The following CD58 variants were observed in gnomAD, a reference collection of about 807,000 sequenced individuals.
CD58 encodes CD58 molecule, also known as lymphocyte function-associated antigen 3.
CD58 carries 14 observed loss-of-function variants against 27.6 expected under a neutral mutation model. That is an observed-to-expected ratio of 0.51 (90% CI 0.34 to 0.79). The LOEUF (loss-of-function observed/expected upper bound fraction) is 0.79, where lower values mean the gene tolerates loss of function less well. CD58 is among the 30% of genes least tolerant of loss of function. The pLI is 0.02. For synonymous variants in CD58, 117 were observed against 103.8 expected (o/e 1.13, Z -0.77); for missense variants, 268 against 301.7 (o/e 0.89, Z 0.83).
At chr1:116,556,709 G>A (rs1003615309) in intron 1 of CD58, among the ~76,000 whole-genome samples, 4 of 152,172 alleles carry the variant, frequency 2.6e-5, no homozygotes, top group Admixed American at 6.5e-5. Context: ...GCAAACAAAG[G>A]AGTCACAAAG....
Position 116,544,457 on chromosome 1 carries a change from G to A in CD58, c.218C>T (p.Ala73Val), listed in dbSNP as rs749684875. The part of the protein sequence containing the change: ...VAELENSEFR[A>V]FSSFKNRVYL... ...AACCCTATTTTTAAAAGATGAGAAA[G>A]CTCTGAATTCAGAATTTTCCAGTTC... is the stretch of plus-strand genomic sequence containing the variant. Residue 73 changes from alanine (A) to valine (V), a missense_variant, in exon 2 of 6, where the codon GCT becomes GTT. Ala to Val is a moderately conservative substitution (Grantham distance 64, BLOSUM62 0). Transcript: ENST00000369489. 6.2e-7 allele frequency: 1 copy of A among 1,614,074 alleles called. No individual in the cohort carries two copies. The highest frequency in any genetic ancestry group is 1.7e-5 in the Admixed American group (1 of 60,022).
chr1:116,547,002 A>AT (rs531354439), intron 1 of CD58, among the ~76,000 whole-genome samples: 19 of 149,860 alleles, frequency 1.3e-4, no homozygotes, highest in Admixed American at 8.0e-4. Context: ...TCTTTTTTAA[A>AT]TTTTTTTATT....
chr1:116,533,993 T>C, intron 3 of CD58: 1 of 1,387,156 alleles, frequency 7.2e-7, no homozygotes, highest in South Asian at 1.2e-5. Flanking sequence ...ACTCCAGGAT[T>C]CTGCATCACC....
rs1658098819 is a variant in CD58 at position 116,544,552 on chromosome 1, T to C, written c.123A>G (p.Val41=). Residue 41 remains valine (V), a synonymous_variant, in exon 2 of 6, where the codon GTA becomes GTG. Coordinates refer to ENST00000369489, the MANE Select transcript of CD58 (RefSeq NM_001779.3). The part of the protein sequence containing the change: ...QQIYGVVYGN[V]TFHVPSNVPL... ...GCACATTGCTTGGTACATGGAAAGTTACATTCCCATACACAACACCATATA... is the reference window on the plus strand; with the variant it reads ...GCACATTGCTTGGTACATGGAAAGTCACATTCCCATACACAACACCATATA... 1.2e-6 allele frequency: 2 copies of C among 1,613,226 alleles called. No individual in the cohort carries two copies. The highest frequency in any genetic ancestry group is 2.7e-5 in the African/African-American group (2 of 74,832).
intron 2 of CD58, among the ~76,000 whole-genome samples, chr1:116,543,475 T>G (rs1414921314): frequency 6.7e-6 from 1 of 148,982 alleles, no homozygotes; most frequent in Non-Finnish European, 1.5e-5. Flanking sequence ...TCAGAAACAA[T>G]GAAAATGAGG....
At position 116,527,800 on chromosome 1, in the gene CD58, T is replaced by C. The variant is rs571187299; in HGVS notation, c.629-5817A>G. 6.6e-6 allele frequency among the ~76,000 whole-genome samples: 1 copy of C among 152,352 alleles called. No homozygotes were observed. The highest frequency in any genetic ancestry group is 2.4e-5 in the African/African-American group (1 of 41,574). ...ATTCACCAATGAACCCATCTGAACC[T>C]GGTGCTTTCTGTTTTGGAAGATTAT... On this transcript the variant is annotated intron_variant, in intron 3 of 5. Coordinates refer to ENST00000369489, the MANE Select transcript of CD58 (RefSeq NM_001779.3). This position sits in a 1 kb window ranked among gnomAD's most constrained non-coding sequence, Gnocchi z 4.4.
rs1227001009 is a variant in CD58 at position 116,532,050 on chromosome 1, G to T, written c.628+3915C>A. On this transcript the variant is annotated intron_variant, in intron 3 of 5. Coordinates refer to ENST00000369489, the MANE Select transcript of CD58 (RefSeq NM_001779.3). The surrounding 1 kb of genome is among the most constrained non-coding windows in gnomAD (Gnocchi z 5.1). ...CGCTCATATGCTCAAATGAAACGCA[G>T]GACTTCCCAGCCCAGCCCCTCACTG... Among the ~76,000 whole-genome samples, 2 of 152,244 alleles carry T rather than the reference G, an allele frequency of 1.3e-5. No individual in the cohort carries two copies. The highest frequency in any genetic ancestry group is 2.4e-5 in the African/African-American group (1 of 41,468).
intron 1 of CD58, among the ~76,000 whole-genome samples, chr1:116,560,889 T>C (rs1658729392): frequency 6.6e-6 from 1 of 152,210 alleles, no homozygotes; most frequent in Non-Finnish European, 1.5e-5. Flanking sequence ...GGCTGCATCC[T>C]GGTTTCACTT....
intron 3 of CD58, among the ~76,000 whole-genome samples, chr1:116,529,155 A>G (rs1272337131): frequency 6.6e-6 from 1 of 152,140 alleles, no homozygotes; most frequent in African/African-American, 2.4e-5. Flanking sequence ...TCCCAATCCC[A>G]TGTTCTCTTC....
rs914802440 is a variant in CD58, at chr1:116,517,469, C to T, written c.743+1762G>A. Among the ~76,000 whole-genome samples the T allele has an allele frequency of 4.6e-5, 7 of 152,154 alleles. No individual in the cohort carries two copies. The highest frequency in any genetic ancestry group is 3.9e-4 in the Admixed American group (6 of 15,272). The stretch of plus-strand genomic sequence containing the variant: ...GAAAGGACACCTGTGGCCCATCCAT[C>T]GATCCCACCTCACCTAGGCCCTTGC... On this transcript the variant is annotated intron_variant, in intron 5 of 5. Transcript: ENST00000369489. This position sits in a 1 kb window ranked among gnomAD's most constrained non-coding sequence, Gnocchi z 6.5.
Position 116,517,430 on chromosome 1 carries a change from C to T in CD58, c.743+1801G>A, listed in dbSNP as rs1657115129. 6.6e-6 allele frequency among the ~76,000 whole-genome samples: 1 copy of T among 152,150 alleles called. No homozygotes were observed. Among genetic ancestry groups the T allele is most frequent in the South Asian group, 2.1e-4 (1 of 4,830 alleles). On this transcript the variant is annotated intron_variant, in intron 5 of 5. Transcript: ENST00000369489. This position sits in a 1 kb window ranked among gnomAD's most constrained non-coding sequence, Gnocchi z 6.5. ...GCTTGTTTCTCCTGCACTGTTCCAC[C>T]TGGCAGCTGAGGAGAAAGGACACCT...
rs750318125 is a variant in CD58 at position 116,519,024 on chromosome 1, G to A, written c.743+207C>T. On this transcript the variant is annotated intron_variant, in intron 5 of 5. Coordinates refer to ENST00000369489, the MANE Select transcript of CD58 (RefSeq NM_001779.3). The surrounding 1 kb of genome is among the most constrained non-coding windows in gnomAD (Gnocchi z 4.7). The stretch of plus-strand genomic sequence containing the variant: ...TGCAAGGCTCATTGAGAGGGTTCCA[G>A]GAAACGATATGCAGAGAGTGGCTAG... The A allele has an allele frequency of 2.5e-4, 305 of 1,210,502 alleles. No individual in the cohort carries two copies. The highest frequency in any genetic ancestry group is 3.2e-4 in the Admixed American group (11 of 34,018). 75.0% of individuals were successfully genotyped at this position (1,210,502 alleles called of 1,614,324 possible).
chr1:116,519,526 A>G lies in CD58; in HGVS notation c.707-259T>C, dbSNP rs529692391. Among the ~76,000 whole-genome samples, 1 of 152,362 alleles carries G rather than the reference A, an allele frequency of 6.6e-6. No homozygotes were observed. Among genetic ancestry groups the G allele is most frequent in the East Asian group, 1.9e-4 (1 of 5,190 alleles). On this transcript the variant is annotated intron_variant, in intron 4 of 5. Transcript: ENST00000369489. This position sits in a 1 kb window ranked among gnomAD's most constrained non-coding sequence, Gnocchi z 4.7. ...CAAAATGGCTAATTTTACCTCGTGCATAAGGCTGAAGATGCAGGGAAGGCT... is the reference window on the plus strand; with the variant it reads ...CAAAATGGCTAATTTTACCTCGTGCGTAAGGCTGAAGATGCAGGGAAGGCT...
Position 116,523,004 on chromosome 1 carries a change from T to G in CD58, c.629-1021A>C, listed in dbSNP as rs1657317262. On this transcript the variant is annotated intron_variant, in intron 3 of 5. Coordinates refer to ENST00000369489, the MANE Select transcript of CD58 (RefSeq NM_001779.3). This position sits in a 1 kb window ranked among gnomAD's most constrained non-coding sequence, Gnocchi z 4.4. Reference sequence around the variant, plus strand: ...AAATATACTTATCTCATAGGGTAGTTGCATTTAAGAACAGCTGTTATATAC... The same window carrying G: ...AAATATACTTATCTCATAGGGTAGTGGCATTTAAGAACAGCTGTTATATAC... 6.6e-6 allele frequency among the ~76,000 whole-genome samples: 1 copy of G among 152,196 alleles called. No homozygotes were observed. Among genetic ancestry groups the G allele is most frequent in the Non-Finnish European group, 1.5e-5 (1 of 68,042 alleles).
rs909635092 is a variant in CD58, at chr1:116,516,571, A to G, written c.744-1749T>C. On this transcript the variant is annotated intron_variant, in intron 5 of 5. Coordinates refer to ENST00000369489, the MANE Select transcript of CD58 (RefSeq NM_001779.3). This position sits in a 1 kb window ranked among gnomAD's most constrained non-coding sequence, Gnocchi z 6.1. ...CTTCAACTCGATGCCAGGCAGGTCAATCTTACTATCAAATAAATCACAACA... is the reference window on the plus strand; with the variant it reads ...CTTCAACTCGATGCCAGGCAGGTCAGTCTTACTATCAAATAAATCACAACA... 6.6e-6 allele frequency among the ~76,000 whole-genome samples: 1 copy of G among 152,164 alleles called. No homozygotes were observed. Among genetic ancestry groups the G allele is most frequent in the African/African-American group, 2.4e-5 (1 of 41,420 alleles).
Position 116,531,343 on chromosome 1 carries a change from C to T in CD58, c.628+4622G>A, listed in dbSNP as rs1657597154. ...CCTTCAAGTATTTTGTCTCTTGGAACACTTAAAACTTTTCAAGATTTCAAC... is the reference window on the plus strand; with the variant it reads ...CCTTCAAGTATTTTGTCTCTTGGAATACTTAAAACTTTTCAAGATTTCAAC... On this transcript the variant is annotated intron_variant, in intron 3 of 5. Transcript: ENST00000369489. This position sits in a 1 kb window ranked among gnomAD's most constrained non-coding sequence, Gnocchi z 4.5. 6.6e-6 allele frequency among the ~76,000 whole-genome samples: 1 copy of T among 152,198 alleles called. No individual in the cohort carries two copies. Among genetic ancestry groups the T allele is most frequent in the African/African-American group, 2.4e-5 (1 of 41,450 alleles).
rs1657997384 is a variant in CD58, at chr1:116,541,807, T to A, written c.364+2504A>T. ...GGGCTAGAGCTCTAGATCTGTACAT[T>A]ATTAGCATTGAGATGATATTTAAAG... On this transcript the variant is annotated intron_variant, in intron 2 of 5. Transcript: ENST00000369489. The surrounding 1 kb of genome is among the most constrained non-coding windows in gnomAD (Gnocchi z 5.3). Among the ~76,000 whole-genome samples, 1 of 152,124 alleles carries A rather than the reference T, an allele frequency of 6.6e-6. No individual in the cohort carries two copies. The highest frequency in any genetic ancestry group is 1.5e-5 in the Non-Finnish European group (1 of 68,026).
In CD58 at chr1:116,538,912, T is replaced by C. The variant is rs990508207; in HGVS notation, c.365-2684A>G. On this transcript the variant is annotated intron_variant, in intron 2 of 5. Coordinates refer to ENST00000369489, the MANE Select transcript of CD58 (RefSeq NM_001779.3). The surrounding 1 kb of genome is among the most constrained non-coding windows in gnomAD (Gnocchi z 4.7). ...AATGTAAATTCTTCTACCCGCTATCTCCAAAGAGGTACAGTATGGTGTTTA... is the reference window on the plus strand; with the variant it reads ...AATGTAAATTCTTCTACCCGCTATCCCCAAAGAGGTACAGTATGGTGTTTA... Among the ~76,000 whole-genome samples the C allele has an allele frequency of 6.6e-6, 1 of 152,180 alleles. No individual in the cohort carries two copies. Among genetic ancestry groups the C allele is most frequent in the Admixed American group, 6.5e-5 (1 of 15,272 alleles).
chr1:116,520,437 A>G (rs1657230273), intron 4 of CD58, among the ~76,000 whole-genome samples: 1 of 151,492 alleles, frequency 6.6e-6, no homozygotes, highest in Non-Finnish European at 1.5e-5. Context: ...TTTTTTTAAG[A>G]ACAAATTTTT....
Sources: allele counts gnomAD v4.1 joint callset (sites outside exome capture counted in the v4.1 genomes callset), GRCh38; gene constraint gnomAD v4.1.1; non-coding constraint Gnocchi (gnomAD v3.1); transcripts MANE v1.5; gene names NCBI Gene and HGNC (gene_info 2026-07-23, HGNC 2026-07-21).